Variants in LMCD1 observed in about 807,000 individuals in gnomAD.
The protein encoded by LMCD1 is LIM and cysteine rich domains 1.
In LMCD1, 32 loss-of-function variants were observed where a neutral mutation model predicts 42.7. The ratio of observed to expected loss-of-function variants is 0.75; its 90% CI spans 0.57 to 1.01. The LOEUF (loss-of-function observed/expected upper bound fraction) is 1.01, where lower values mean the gene tolerates loss of function less well. Among genes scored for constraint, LMCD1 ranks in the 50% least tolerant of loss-of-function variants. The pLI is 0.00. For synonymous variants in LMCD1, 178 were observed against 184.9 expected (o/e 0.96, Z 0.30); for missense variants, 458 against 483.1 (o/e 0.95, Z 0.49).
intron 1 of LMCD1, among the ~76,000 whole-genome samples, chr3:8,522,062 C>T (rs1256005324): frequency 6.6e-6 from 1 of 152,110 alleles, no homozygotes; most frequent in Admixed American, 6.5e-5. Context: ...TGGAACCAGT[C>T]TCAAATCAGT....
intron 3 of LMCD1, among the ~76,000 whole-genome samples, chr3:8,545,066 C>T (rs1694707934): frequency 6.6e-6 from 1 of 152,168 alleles, no homozygotes; most frequent in Non-Finnish European, 1.5e-5. Flanking sequence ...AGTTACCAGT[C>T]ATATTAATGG....
chr3:8,524,243 C>A (rs982623424), intron 1 of LMCD1, among the ~76,000 whole-genome samples: 1 of 151,602 alleles, frequency 6.6e-6, no homozygotes, highest in Non-Finnish European at 1.5e-5. Context: ...AGCTTGCAAC[C>A]ATTTGGGTGT....
intron 4 of LMCD1, among the ~76,000 whole-genome samples, chr3:8,563,481 T>G (rs947870646): frequency 1.3e-5 from 2 of 152,232 alleles, no homozygotes; most frequent in Non-Finnish European, 2.9e-5. Context: ...GGGTCAGAGC[T>G]GCAACCAAGC....
At position 8,553,116 on chromosome 3, in the gene LMCD1, T is replaced by C. The variant is rs749571113; in HGVS notation, c.723+4213T>C. Among the ~76,000 whole-genome samples, 101 of 152,192 alleles carry C rather than the reference T, an allele frequency of 6.6e-4. 1 individual carries two copies. Among genetic ancestry groups the C allele is most frequent in the Non-Finnish European group, 1.2e-3 (84 of 68,034 alleles). ...CACAGGTGCAGAATCTACCACACTA[T>C]GCTCTGTAACCTACCTTGACGGCCC... On this transcript the variant is annotated intron_variant, in intron 4 of 5. Transcript: ENST00000157600.
At chr3:8,548,065 T>G (rs1008436397) in intron 3 of LMCD1, among the ~76,000 whole-genome samples, 1 of 152,198 alleles carries the variant, frequency 6.6e-6, no homozygotes, top group African/African-American at 2.4e-5. Flanking sequence ...TAAACATATC[T>G]AAACCTAGAA....
chr3:8,512,373 T>C (rs1691417560), intron 1 of LMCD1, among the ~76,000 whole-genome samples: 1 of 152,244 alleles, frequency 6.6e-6, no homozygotes, highest in African/African-American at 2.4e-5. Context: ...CACATATGGC[T>C]TGGATATCTC....
chr3:8,565,329 C>G, intron 4 of LMCD1, 103 bp from the exon 5 acceptor site: 1 of 1,009,122 alleles, frequency 9.9e-7, no homozygotes, highest in Non-Finnish European at 1.5e-6. Flanking sequence ...GTGACTTGCC[C>G]AAGGTCACCC....
intron 1 of LMCD1, among the ~76,000 whole-genome samples, chr3:8,526,729 GCAA>G (rs1694309920): frequency 6.6e-6 from 1 of 152,166 alleles, no homozygotes; most frequent in African/African-American, 2.4e-5. Flanking sequence ...GAGAACCACT[GCAA>G]CATACCTCCC....
intron 4 of LMCD1, among the ~76,000 whole-genome samples, 179 bp downstream of exon 4, chr3:8,549,082 C>T (rs1694793061): frequency 6.6e-6 from 1 of 152,190 alleles, no homozygotes; most frequent in Non-Finnish European, 1.5e-5. Flanking sequence ...GAAAATGATA[C>T]AATACCACTG....
chr3:8,530,453 C>T (rs970684186), intron 1 of LMCD1, among the ~76,000 whole-genome samples: 2 of 152,226 alleles, frequency 1.3e-5, no homozygotes, highest in Admixed American at 1.3e-4. Context: ...CCCGAGTTTG[C>T]AGACAGATTG....
chr3:8,515,522 T>A (rs1377045362), intron 1 of LMCD1, among the ~76,000 whole-genome samples: 1 of 152,218 alleles, frequency 6.6e-6, no homozygotes, highest in African/African-American at 2.4e-5. Context: ...TTAACTCCTG[T>A]ACCATCATAT....
intron 4 of LMCD1, among the ~76,000 whole-genome samples, chr3:8,558,116 T>G (rs1344465865): frequency 6.6e-6 from 1 of 152,230 alleles, no homozygotes; most frequent in Non-Finnish European, 1.5e-5. Context: ...GGGAGCTGCA[T>G]AGCATCACTT....
At chr3:8,545,464 C>G (rs1433593596) in intron 3 of LMCD1, among the ~76,000 whole-genome samples, 1 of 152,168 alleles carries the variant, frequency 6.6e-6, no homozygotes, top group African/African-American at 2.4e-5. Context: ...TTACATTTTG[C>G]AAAAGCCTGA....
At chr3:8,516,761 A>G (rs1340192860) in intron 1 of LMCD1, among the ~76,000 whole-genome samples, 1 of 152,204 alleles carries the variant, frequency 6.6e-6, no homozygotes, top group East Asian at 1.9e-4. Context: ...TGATCCAATT[A>G]TTCACTTTAA....
chr3:8,524,759 A>G (rs149910174), intron 1 of LMCD1, among the ~76,000 whole-genome samples: 8 of 152,276 alleles, frequency 5.3e-5, no homozygotes, highest in African/African-American at 1.9e-4. Flanking sequence ...ATCACAGGTC[A>G]CTACAACCTC....
In LMCD1 at chr3:8,548,606, G is replaced by T. The variant is rs143268894; in HGVS notation, c.426G>T (p.Gln142His). The T allele has an allele frequency of 1.5e-4, 250 of 1,613,980 alleles. No homozygotes were observed. The highest frequency in any genetic ancestry group is 1.9e-4 in the Non-Finnish European group (219 of 1,179,888). Residue 142 changes from glutamine to histidine, a missense_variant, in exon 4 of 6, where the codon CAG becomes CAT. Coordinates refer to ENST00000157600, the MANE Select transcript of LMCD1 (RefSeq NM_014583.4). ...TGGAGCTCATCCCCAAGGAGAAGCA[G>T]CCAGTGACAGGCACAGAGGGTGCCT... ...QYMELIPKEKQPVTGTEGAFY... is the reference protein window; with the variant it reads ...QYMELIPKEKHPVTGTEGAFY...
chr3:8,548,538 A>C, intron 3 of LMCD1, 30 bp from the exon 4 acceptor site: 1 of 1,512,982 alleles, frequency 6.6e-7, no homozygotes, highest in Non-Finnish European at 9.0e-7. Flanking sequence ...CATCCACATC[A>C]TGTTGTCTCT....
chr3:8,527,142 T>G (rs1007207289), intron 1 of LMCD1, among the ~76,000 whole-genome samples: 1 of 152,204 alleles, frequency 6.6e-6, no homozygotes, highest in Admixed American at 6.5e-5. Flanking sequence ...GAAGTTTAGA[T>G]GAAATATCAT....
intron 2 of LMCD1, among the ~76,000 whole-genome samples, chr3:8,536,275 G>T (rs540910782): frequency 8.5e-5 from 13 of 152,166 alleles, no homozygotes; most frequent in Non-Finnish European, 1.6e-4. Context: ...GCCTGCCCAT[G>T]GTGACAGGCC....
Sources: allele counts gnomAD v4.1 joint callset (sites outside exome capture counted in the v4.1 genomes callset), GRCh38; gene constraint gnomAD v4.1.1; transcripts MANE v1.5; gene names NCBI Gene and HGNC (gene_info 2026-07-23, HGNC 2026-07-21).